Variants in CNOT2 observed in about 807,000 individuals in gnomAD.
CNOT2 encodes CC chemokine receptor 4-negative regulator of transcription 2.
In CNOT2, 7 loss-of-function variants were observed where a neutral mutation model predicts 72.1. That is an observed-to-expected ratio of 0.10 (90% CI 0.06 to 0.18). CNOT2 has a LOEUF of 0.18. Among genes scored for constraint, CNOT2 ranks in the 10% least tolerant of loss-of-function variants. The pLI, the probability that CNOT2 is intolerant of heterozygous loss-of-function variation, is 1.00. For synonymous variants in CNOT2, 196 were observed against 225.6 expected, an observed-to-expected ratio of 0.87 and a Z score of 1.17; for missense variants, 345 against 660.3, an observed-to-expected ratio of 0.52 and a Z score of 5.23.
intron 2 of CNOT2, among the ~76,000 whole-genome samples, chr12:70,292,336 A>G (rs1593144413): frequency 3.3e-5 from 5 of 152,234 alleles, no homozygotes; most frequent in Admixed American, 3.3e-4. Context: ...TTATGAAAGA[A>G]GAAAGACTAG....
chr12:70,280,719 T>G (rs1869668832), intron 2 of CNOT2, among the ~76,000 whole-genome samples: 1 of 152,200 alleles, frequency 6.6e-6, no homozygotes, highest in African/African-American at 2.4e-5. Context: ...CCCTTGGCTC[T>G]ATACTAAAGA....
chr12:70,303,524 T>C (rs1874534138), intron 2 of CNOT2, among the ~76,000 whole-genome samples: 1 of 152,238 alleles, frequency 6.6e-6, no homozygotes, highest in Non-Finnish European at 1.5e-5. Context: ...TTCTTTTCTT[T>C]AAGAATGTTG....
chr12:70,329,981 G>A (rs138812209), intron 5 of CNOT2, among the ~76,000 whole-genome samples: 54 of 152,050 alleles, frequency 3.6e-4, no homozygotes, highest in Non-Finnish European at 5.9e-4. Flanking sequence ...AGGATAGAAC[G>A]ATATGCCATT....
chr12:70,296,727 A>C (rs1197271195), intron 2 of CNOT2, among the ~76,000 whole-genome samples: 1 of 150,388 alleles, frequency 6.6e-6, no homozygotes, highest in South Asian at 2.1e-4. Context: ...TTTTTTGTGC[A>C]GTGTAGGTGC....
intron 2 of CNOT2, among the ~76,000 whole-genome samples, chr12:70,285,880 G>T (rs1261333622): frequency 6.6e-6 from 1 of 152,058 alleles, no homozygotes; most frequent in East Asian, 1.9e-4. Flanking sequence ...GAGAGATTTT[G>T]TCAACCTCAT....
At chr12:70,326,287 A>C (rs1879061953) in intron 4 of CNOT2, among the ~76,000 whole-genome samples, 1 of 151,806 alleles carries the variant, frequency 6.6e-6, no homozygotes, top group Non-Finnish European at 1.5e-5. Context: ...ATAAGAAGGA[A>C]TTGAGAGGAA....
At chr12:70,320,919 T>G (rs1303093085) in intron 4 of CNOT2, among the ~76,000 whole-genome samples, 1 of 151,842 alleles carries the variant, frequency 6.6e-6, no homozygotes, top group African/African-American at 2.4e-5. Context: ...CTAACTGGGC[T>G]AAGATATGGA....
At chr12:70,271,615 A>G (rs1189037991) in intron 1 of CNOT2, among the ~76,000 whole-genome samples, 1 of 151,890 alleles carries the variant, frequency 6.6e-6, no homozygotes, top group African/African-American at 2.4e-5. Flanking sequence ...TTAGGTGATC[A>G]GCCCGCCTCA....
At chr12:70,351,366 TAACA>T (rs2136096331) in intron 15 of CNOT2, among the ~76,000 whole-genome samples, 1 of 152,276 alleles carries the variant, frequency 6.6e-6, no homozygotes, top group East Asian at 1.9e-4. Context: ...TGTGTATATA[TAACA>T]AACATGTAAA....
At chr12:70,251,357 T>C (rs564661896) in intron 1 of CNOT2, among the ~76,000 whole-genome samples, 1 of 151,696 alleles carries the variant, frequency 6.6e-6, no homozygotes, top group East Asian at 1.9e-4. Context: ...TGGGGGAGGG[T>C]AGGGAATCAG....
At chr12:70,339,476 C>G (rs1164251313) in intron 11 of CNOT2, among the ~76,000 whole-genome samples, 1 of 152,112 alleles carries the variant, frequency 6.6e-6, no homozygotes, top group African/African-American at 2.4e-5. Flanking sequence ...TATCCCATGA[C>G]TACTTGCCAT....
chr12:70,346,361 ACTTG>A, intron 15 of CNOT2, 37 bp downstream of exon 15: 1 of 1,562,644 alleles, frequency 6.4e-7, no homozygotes, highest in African/African-American at 1.4e-5. Context: ...ATAAATCTAA[ACTTG>A]AAAAAAGAAG....
chr12:70,325,539 A>G (rs1440691417), intron 4 of CNOT2, among the ~76,000 whole-genome samples: 2 of 151,916 alleles, frequency 1.3e-5, no homozygotes, highest in South Asian at 2.1e-4. Context: ...TGAGCAAGTC[A>G]CTTAATGCCT....
chr12:70,274,236 G>A (rs1488638430), intron 1 of CNOT2, among the ~76,000 whole-genome samples: 1 of 152,056 alleles, frequency 6.6e-6, no homozygotes, highest in East Asian at 1.9e-4. Flanking sequence ...ATAAGGGCAA[G>A]GAAATATTTA....
intron 1 of CNOT2, 130 bp from the exon 2 acceptor site, chr12:70,278,002 G>A (rs1349984452): frequency 1.2e-5 from 5 of 405,514 alleles, no homozygotes; most frequent in African/African-American, 2.1e-5. Flanking sequence ...AAATGGTTAC[G>A]AGGAAGACTA....
At chr12:70,299,380 C>CA (rs1873442234) in intron 2 of CNOT2, among the ~76,000 whole-genome samples, 1 of 118,346 alleles carries the variant, frequency 8.4e-6, no homozygotes, top group Admixed American at 8.4e-5. Flanking sequence ...CCCCTCCCCC[C>CA]ACCCCCCAAC....
intron 2 of CNOT2, among the ~76,000 whole-genome samples, chr12:70,305,533 GTTGGT>G (rs1875131267): frequency 6.6e-6 from 1 of 152,192 alleles, no homozygotes; most frequent in African/African-American, 2.4e-5. Context: ...AATATATAGG[GTTGGT>G]TTGATCAGCT....
At chr12:70,325,581 A>T (rs1354121105) in intron 4 of CNOT2, among the ~76,000 whole-genome samples, 1 of 151,890 alleles carries the variant, frequency 6.6e-6, no homozygotes, top group Admixed American at 6.6e-5. Flanking sequence ...ACCTACTTGG[A>T]TAATCTCTGG....
chr12:70,342,423 C>A, intron 13 of CNOT2, 116 bp downstream of exon 13: 1 of 1,165,862 alleles, frequency 8.6e-7, no homozygotes, highest in Non-Finnish European at 1.2e-6. Flanking sequence ...CAGGGATATG[C>A]TTTCATATGT....
Sources: allele counts gnomAD v4.1 joint callset (sites outside exome capture counted in the v4.1 genomes callset), GRCh38; gene constraint gnomAD v4.1.1; transcripts MANE v1.5; gene names NCBI Gene and HGNC (gene_info 2026-07-23, HGNC 2026-07-21).